SGO2: variants seen among roughly 807,000 people sequenced by gnomAD.
The protein encoded by SGO2 is shugoshin-like 2.
Under a neutral mutation model 99.5 loss-of-function variants are expected in SGO2, and 68 were observed. That is an observed-to-expected ratio of 0.68 (90% CI 0.56 to 0.84). The LOEUF (loss-of-function observed/expected upper bound fraction) is 0.84, where lower values mean the gene tolerates loss of function less well. SGO2 is among the 40% of genes least tolerant of loss of function. The pLI is 0.00. For synonymous variants in SGO2, 457 were observed against 487.1 expected (o/e 0.94, Z 0.81); for missense variants, 1,350 against 1,436.7 (o/e 0.94, Z 0.97).
In SGO2 at chr2:200,538,236, T is replaced by G. The variant is rs574084157; in HGVS notation, c.387+2094T>G. Among the ~76,000 whole-genome samples, 5 of 152,286 alleles carry G rather than the reference T, an allele frequency of 3.3e-5. No homozygotes were observed. The South Asian group carries it at 8.3e-4, about 25-fold the overall frequency. ...TGAAACTCTTCTTATTTCTTCCACC[T>G]CATTTGCTACTCTCCTCTTTCTTCC... is the stretch of plus-strand genomic sequence containing the variant. On this transcript the variant is annotated intron_variant, in intron 4 of 8. Coordinates refer to ENST00000357799, the MANE Select transcript of SGO2 (RefSeq NM_152524.6).
chr2:200,566,381 C>G lies in SGO2; in HGVS notation c.474-3282C>G, dbSNP rs374549039. Among the ~76,000 whole-genome samples the G allele has an allele frequency of 1.5e-3, 232 of 152,292 alleles. 1 individual carries two copies. The highest frequency in any genetic ancestry group is 5.2e-3 in the African/African-American group (218 of 41,574). Reference sequence around the variant, plus strand: ...GGTATCACCAGTGGAGGCTGCAGAACAGCAAATATTGCAGAATGGCAAATG... The same window carrying G: ...GGTATCACCAGTGGAGGCTGCAGAAGAGCAAATATTGCAGAATGGCAAATG... On this transcript the variant is annotated intron_variant, in intron 5 of 8. Coordinates refer to ENST00000357799, the MANE Select transcript of SGO2 (RefSeq NM_152524.6).
intron 5 of SGO2, among the ~76,000 whole-genome samples, chr2:200,549,335 T>C (rs561267473): frequency 6.6e-6 from 1 of 152,166 alleles, no homozygotes; most frequent in African/African-American, 2.4e-5. Context: ...CTACCAAAAA[T>C]TTAAACAATG....
At position 200,546,172 on chromosome 2, in the gene SGO2, A is replaced by C. The variant is rs555760526; in HGVS notation, c.473+3508A>C. ...AGAAGGCAGCAAACTAGCAGTATAG[A>C]TTTGCTAAAAAAAAAAAAAAAATAC... On this transcript the variant is annotated intron_variant, in intron 5 of 8. Coordinates refer to ENST00000357799, the MANE Select transcript of SGO2 (RefSeq NM_152524.6). Among the ~76,000 whole-genome samples the C allele has an allele frequency of 7.6e-5, 7 of 92,212 alleles. No homozygotes were observed. The South Asian group carries it at 2.3e-3, about 30-fold the overall frequency. 60.5% of individuals were successfully genotyped at this position (92,212 alleles called of 152,430 possible).
At chr2:200,545,603 A>G (rs2032175756) in intron 5 of SGO2, among the ~76,000 whole-genome samples, 1 of 152,174 alleles carries the variant, frequency 6.6e-6, no homozygotes, top group Non-Finnish European at 1.5e-5. Flanking sequence ...CCCAGAGATC[A>G]AGCTAGTTGA....
intron 8 of SGO2, among the ~76,000 whole-genome samples, chr2:200,582,582 CA>C (rs937967804): frequency 6.7e-6 from 1 of 150,332 alleles, no homozygotes; most frequent in Non-Finnish European, 1.5e-5. Flanking sequence ...ATTTCGAAGG[CA>C]AAAAAAAAGT....
At position 200,543,495 on chromosome 2, in the gene SGO2, T is replaced by C. The variant is rs536573028; in HGVS notation, c.473+831T>C. The C allele has an allele frequency of 2.6e-5, 4 of 152,328 alleles. No homozygotes were observed. The South Asian group carries it at 8.3e-4, about 32-fold the overall frequency. 9.4% of individuals were successfully genotyped at this position (152,328 alleles called of 1,614,324 possible). A position where few individuals can be genotyped will look rare whatever the true frequency, so the allele number is the denominator to read the frequency against. ...TTGATAGCATTGACCAAAATCCTGT[T>C]GTCTCTTTTAGAAATGTTCTTTCTA... On this transcript the variant is annotated intron_variant, in intron 5 of 8. Transcript: ENST00000357799.
chr2:200,550,244 A>C (rs536610138), intron 5 of SGO2, among the ~76,000 whole-genome samples: 2 of 152,346 alleles, frequency 1.3e-5, no homozygotes, highest in Non-Finnish European at 2.9e-5. Flanking sequence ...GGATTGGAAG[A>C]ATTAATACTG....
chr2:200,576,489 T>C (rs1329345709), intron 8 of SGO2, among the ~76,000 whole-genome samples: 6 of 152,068 alleles, frequency 3.9e-5, no homozygotes, highest in African/African-American at 1.4e-4. Flanking sequence ...GGCAGGAGAA[T>C]CACCTTGAAT....
intron 8 of SGO2, among the ~76,000 whole-genome samples, chr2:200,582,684 C>T (rs1006477439): frequency 6.6e-6 from 1 of 152,124 alleles, no homozygotes; most frequent in African/African-American, 2.4e-5. Flanking sequence ...GTCCATCTCA[C>T]ACCTCAACAT....
At chr2:200,533,547 G>GTGTGTGTATATA (rs1396628320) in intron 2 of SGO2, among the ~76,000 whole-genome samples, 1 of 142,952 alleles carries the variant, frequency 7.0e-6, no homozygotes, top group Admixed American at 7.1e-5. Flanking sequence ...GTGTGTGTGT[G>GTGTGTGTATATA]TATACATGTG....
Position 200,572,152 on chromosome 2 carries a change from A to G in SGO2, c.1806A>G (p.Ser602=). The G allele has an allele frequency of 1.2e-6, 2 of 1,612,480 alleles. No homozygotes were observed. The change falls in exon 7 of 9, where the codon TCA becomes TCG. Residue 602 remains serine (S), a synonymous_variant. Coordinates refer to ENST00000357799, the MANE Select transcript of SGO2 (RefSeq NM_152524.6). ...AGTATGTCACTGATATTCAACCCTC[A>G]GAGCAAAATGAATCAAACATTAATA... is the stretch of plus-strand genomic sequence containing the variant. ...LKKYVTDIQP[S]EQNESNINKL... is the part of the protein sequence containing the mutation.
intron 5 of SGO2, among the ~76,000 whole-genome samples, chr2:200,546,684 A>T (rs547568654): frequency 1.6e-4 from 25 of 151,938 alleles, no homozygotes; most frequent in African/African-American, 6.0e-4. Flanking sequence ...TTAAAATAAT[A>T]AAAAAAAGTC....
At chr2:200,533,494 A>T (rs2031521196) in intron 2 of SGO2, 1 of 179,702 alleles carries the variant, frequency 5.6e-6, no homozygotes, top group South Asian at 1.2e-4. Context: ...GTGCTTATAT[A>T]TACGTGTGTA....
chr2:200,571,961 G>A lies in SGO2; in HGVS notation c.1615G>A (p.Val539Met). Residue 539 changes from valine to methionine, a missense_variant, in exon 7 of 9, where the codon GTG (valine) becomes ATG (methionine). Transcript: ENST00000357799. ...AAGTAAAGCTTCTAGACAGACATTT[G>A]TGATTCACAAATTAGAAAAAGATAA... ...NKSKASRQTF[V>M]IHKLEKDNLL... is the part of the protein sequence containing the mutation. 1 of 1,609,852 alleles carries A rather than the reference G, an allele frequency of 6.2e-7. No individual in the cohort carries two copies. Among genetic ancestry groups the A allele is most frequent in the Non-Finnish European group, 8.5e-7 (1 of 1,178,790 alleles).
rs760219758 is a variant in SGO2 at position 200,572,578 on chromosome 2, CTTT to C, written c.2235_2237del (p.Phe745del). On this transcript the variant is annotated inframe_deletion, in exon 7 of 9. Transcript: ENST00000357799. The stretch of plus-strand genomic sequence containing the variant: ...AATACACAGTTAAAAGTCACTCACT[CTTT>C]TTAACGCAAAAAGATAAGGAAATCA... The C allele has an allele frequency of 6.2e-7, 1 of 1,612,382 alleles. No individual in the cohort carries two copies. Among genetic ancestry groups the C allele is most frequent in the Non-Finnish European group, 8.5e-7 (1 of 1,178,882 alleles).
intron 5 of SGO2, among the ~76,000 whole-genome samples, chr2:200,555,356 T>C (rs979633713): frequency 2.0e-5 from 3 of 152,118 alleles, no homozygotes; most frequent in Non-Finnish European, 4.4e-5. Context: ...AGTTTTTAAG[T>C]TTCTATTTCA....
chr2:200,532,280 T>G (rs1236981382), intron 1 of SGO2: 97 of 410,206 alleles, frequency 2.4e-4, no homozygotes, highest in Non-Finnish European at 2.4e-4. Context: ...TTGTTTTTTT[T>G]TTTGTTTTTT....
At position 200,572,660 on chromosome 2, in the gene SGO2, A is replaced by G; in HGVS notation, c.2314A>G (p.Lys772Glu). 1 of 1,612,260 alleles carries G rather than the reference A, an allele frequency of 6.2e-7. No homozygotes were observed. The highest frequency in any genetic ancestry group is 8.5e-7 in the Non-Finnish European group (1 of 1,179,262). Residue 772 changes from lysine to glutamate, a missense_variant, in exon 7 of 9, where the codon AAA (lysine) becomes GAA (glutamate). Physicochemically the swap from Lys to Glu is moderately conservative, Grantham distance 56 (BLOSUM62 1). Coordinates refer to ENST00000357799, the MANE Select transcript of SGO2 (RefSeq NM_152524.6). ...SEFETPALST[K>E]DSGNLYDSEI... is the part of the protein sequence containing the mutation. ...GTTTGAAACACCTGCTCTTTCTACC[A>G]AAGATAGTGGAAACCTGTATGATTC...
intron 4 of SGO2, 39 bp downstream of exon 4, chr2:200,536,181 A>G (rs1035178191): frequency 7.2e-6 from 9 of 1,251,276 alleles, no homozygotes; most frequent in Admixed American, 1.9e-5. Context: ...TGTTCTTTAG[A>G]TTACTGAGGA....
Sources: allele counts gnomAD v4.1 joint callset (sites outside exome capture counted in the v4.1 genomes callset), GRCh38; gene constraint gnomAD v4.1.1; transcripts MANE v1.5; gene names NCBI Gene and HGNC (gene_info 2026-07-23, HGNC 2026-07-21).